The following CCDC144A variants were observed in gnomAD, a reference collection of about 807,000 sequenced individuals.
The protein encoded by CCDC144A is coiled-coil domain-containing protein 144A.
In CCDC144A, 41 loss-of-function variants were observed where a neutral mutation model predicts 143.8. The ratio of observed to expected loss-of-function variants is 0.29; its 90% CI spans 0.22 to 0.37. The LOEUF (loss-of-function observed/expected upper bound fraction) is 0.37, where lower values mean the gene tolerates loss of function less well. Ranked by LOEUF, CCDC144A falls within the 10% of genes least tolerant of loss-of-function variation. The probability of loss-of-function intolerance (pLI) is 1.00; values close to 1 mark genes in which losing one functional copy is unlikely to be tolerated. For synonymous variants in CCDC144A, 242 were observed against 517.9 expected, an observed-to-expected ratio of 0.47 and a Z score of 7.23; for missense variants, 637 against 1,488.8, an observed-to-expected ratio of 0.43 and a Z score of 9.41.
intron 12 of CCDC144A, among the ~76,000 whole-genome samples, chr17:16,742,012 C>A (rs1388395898): frequency 6.6e-6 from 1 of 151,928 alleles, no homozygotes; most frequent in African/African-American, 2.4e-5. Flanking sequence ...TGACTTGAAC[C>A]CCGGAGGCGG....
At chr17:16,711,146 A>AAAAAAAAAC (rs1912400726) in intron 5 of CCDC144A, among the ~76,000 whole-genome samples, 1 of 124,524 alleles carries the variant, frequency 8.0e-6, no homozygotes, top group Non-Finnish European at 1.8e-5. Context: ...GAAAAAAAAA[A>AAAAAAAAAC]AAAAAAAAAA....
chr17:16,688,470 TTTTTTC>T, upstream of CCDC144A, among the ~76,000 whole-genome samples: 1 of 146,624 alleles, frequency 6.8e-6, no homozygotes, highest in East Asian at 2.0e-4. Flanking sequence ...GGGTGATACT[TTTTTTC>T]TTTTTCTGTT....
chr17:16,696,722 C>T (rs1179058929), intron 2 of CCDC144A, among the ~76,000 whole-genome samples: 1 of 151,456 alleles, frequency 6.6e-6, no homozygotes, highest in Admixed American at 6.6e-5. Context: ...AGGTGGAATG[C>T]TTTGGGCTAT....
chr17:16,672,982 G>A, the CCDC144A span, among the ~76,000 whole-genome samples: 4 of 152,206 alleles, frequency 2.6e-5, no homozygotes, highest in South Asian at 4.2e-4. Flanking sequence ...TTTAGTTCTC[G>A]AAGGGACTTA....
the CCDC144A span, among the ~76,000 whole-genome samples, chr17:16,679,647 AT>A: frequency 6.6e-6 from 1 of 151,982 alleles, no homozygotes; most frequent in Non-Finnish European, 1.5e-5. Flanking sequence ...CCAAAAGTTC[AT>A]TTTTTATGCT....
At chr17:16,690,179 T>G (rs978087858), upstream of CCDC144A, 9 of 383,102 alleles carry the variant, frequency 2.3e-5, no homozygotes, top group Admixed American at 8.9e-5. Flanking sequence ...AGTCACAGGT[T>G]CCGTGATGTC....
the CCDC144A span, among the ~76,000 whole-genome samples, chr17:16,679,199 A>C: frequency 6.6e-6 from 1 of 152,102 alleles, no homozygotes; most frequent in Non-Finnish European, 1.5e-5. Context: ...ATCCTATAAA[A>C]TTTAGAAGGC....
At position 16,776,027 on chromosome 17, in the gene CCDC144A, T is replaced by A. The variant is rs1247857995; in HGVS notation, c.*2394T>A. The A allele has an allele frequency of 6.6e-6, 1 of 152,218 alleles. No individual in the cohort carries two copies. The allele number at this position is 152,218 out of a possible 1,614,324, so 9.4% of individuals were successfully genotyped here. On this transcript the variant is annotated 3_prime_UTR_variant, in exon 17 of 17. Transcript: ENST00000399273. ...ATCACATGGTTGTAGGTGTGTGGTC[T>A]TATTTCTGGGTTCTCTATTCTGTTC... is the stretch of plus-strand genomic sequence containing the variant.
chr17:16,759,522 T>G (rs1045354408), intron 12 of CCDC144A, among the ~76,000 whole-genome samples: 1 of 151,798 alleles, frequency 6.6e-6, no homozygotes, highest in Non-Finnish European at 1.5e-5. Flanking sequence ...TTCTTTAGCT[T>G]ATCTCTTGCA....
intron 2 of CCDC144A, among the ~76,000 whole-genome samples, chr17:16,696,303 C>T (rs977935362): frequency 2.1e-4 from 32 of 150,218 alleles, no homozygotes; most frequent in Non-Finnish European, 4.3e-4. Context: ...TATGAGCCAC[C>T]ACTCCCTGCC....
At chr17:16,684,870 G>A (rs1317816170), upstream of CCDC144A, among the ~76,000 whole-genome samples, 1 of 152,172 alleles carries the variant, frequency 6.6e-6, no homozygotes, top group Non-Finnish European at 1.5e-5. Flanking sequence ...GCTGAGGTGG[G>A]AGGATGACTT....
chr17:16,669,336 A>G, the CCDC144A span, among the ~76,000 whole-genome samples: 1 of 152,222 alleles, frequency 6.6e-6, no homozygotes, highest in Non-Finnish European at 1.5e-5. Context: ...ACATGAACTT[A>G]GATTTAAATG....
At chr17:16,728,962 A>G (rs1384467633) in intron 9 of CCDC144A, among the ~76,000 whole-genome samples, 4 of 152,136 alleles carry the variant, frequency 2.6e-5, no homozygotes, top group African/African-American at 7.2e-5. Context: ...ACATATATAT[A>G]CCACATATTA....
the CCDC144A span, among the ~76,000 whole-genome samples, chr17:16,676,904 C>G: frequency 6.6e-6 from 1 of 152,092 alleles, no homozygotes; most frequent in African/African-American, 2.4e-5. Context: ...GGTTTTCAAA[C>G]TCTGCTGTGT....
chr17:16,753,428 G>GTTTTTTGTTGTTGTTGTTGTTTTT (rs1914895477), intron 12 of CCDC144A, among the ~76,000 whole-genome samples: 4 of 57,376 alleles, frequency 7.0e-5, no homozygotes, highest in Non-Finnish European at 9.6e-5. Flanking sequence ...GTGTTTTGTA[G>GTTTTTTGTTGTTGTTGTTGTTTTT]TTTTTTTTTT....
Position 16,773,651 on chromosome 17 carries a change from T to C in CCDC144A, c.*18T>C, listed in dbSNP as rs1387967954. The C allele has an allele frequency of 4.0e-6, 6 of 1,484,908 alleles. No homozygotes were observed. The African/African-American group carries it at 8.6e-5, about 21-fold the overall frequency. The allele number at this position is 1,484,908 out of a possible 1,614,324, so 92.0% of individuals were successfully genotyped here. A position where few individuals can be genotyped will look rare whatever the true frequency, so the allele number is the denominator to read the frequency against. ...TACTCTGAAAGATAAGGCAATTTTA[T>C]TTGGGCTATTCACATGATATTTTGT... On this transcript the variant is annotated 3_prime_UTR_variant, in exon 17 of 17. Transcript: ENST00000399273.
chr17:16,716,863 G>C (rs1436075181), intron 6 of CCDC144A, among the ~76,000 whole-genome samples: 1 of 149,482 alleles, frequency 6.7e-6, no homozygotes, highest in Non-Finnish European at 1.5e-5. Flanking sequence ...GCCCAGGCTG[G>C]AGTGCAGTGG....
intron 1 of CCDC144A, among the ~76,000 whole-genome samples, chr17:16,691,613 A>C (rs190360595): frequency 0.02 from 3,102 of 152,004 alleles, 95 homozygotes; most frequent in African/African-American, 0.071. Context: ...ATACAAAAAA[A>C]AAATAGCCGG....
In CCDC144A at chr17:16,744,300, A is replaced by G. The variant is rs1239387745; in HGVS notation, c.3372+8657A>G. ...TCCACAGTGGCTGAACGAATTTACCATTTTCTCCAATAGTGTATTAGAATT... is the reference window on the plus strand; with the variant it reads ...TCCACAGTGGCTGAACGAATTTACCGTTTTCTCCAATAGTGTATTAGAATT... On this transcript the variant is annotated intron_variant, in intron 12 of 16. Transcript: ENST00000399273. Among the ~76,000 whole-genome samples, 5 of 152,274 alleles carry G rather than the reference A, an allele frequency of 3.3e-5. 1 individual carries two copies. In the East Asian group the frequency reaches 9.7e-4, roughly 29 times the overall value.
Sources: allele counts gnomAD v4.1 joint callset (sites outside exome capture counted in the v4.1 genomes callset), GRCh38; gene constraint gnomAD v4.1.1; transcripts MANE v1.5; gene names NCBI Gene and HGNC (gene_info 2026-07-23, HGNC 2026-07-21).